The following OLFM3 variants were observed in gnomAD, a reference collection of about 807,000 sequenced individuals.
OLFM3 encodes olfactomedin 3, also known as noelin-3.
OLFM3 carries 20 observed loss-of-function variants against 48.6 expected under a neutral mutation model. That is an observed-to-expected ratio of 0.41 (90% CI 0.29 to 0.60). The LOEUF (loss-of-function observed/expected upper bound fraction) is 0.60. Among genes scored for constraint, OLFM3 ranks in the 20% least tolerant of loss-of-function variants. The probability of loss-of-function intolerance (pLI) is 0.28; values close to 1 mark genes in which losing one functional copy is unlikely to be tolerated. For synonymous variants in OLFM3, 222 were observed against 198.1 expected (o/e 1.12, Z -1.01); for missense variants, 437 against 544.3 (o/e 0.80, Z 1.96).
At chr1:101,952,933 T>C (rs1660186491) in intron 1 of OLFM3, among the ~76,000 whole-genome samples, 2 of 152,166 alleles carry the variant, frequency 1.3e-5, no homozygotes, top group Non-Finnish European at 2.9e-5. Context: ...TAGTCTTCAG[T>C]GGCTATTCAG....
At chr1:101,852,603 G>A (rs1251477156) in intron 1 of OLFM3, among the ~76,000 whole-genome samples, 2 of 151,928 alleles carry the variant, frequency 1.3e-5, no homozygotes, top group Non-Finnish European at 2.9e-5. Flanking sequence ...TTATCTACTT[G>A]ACATCTCCAC....
intron 2 of OLFM3, among the ~76,000 whole-genome samples, chr1:101,832,328 C>T (rs1655200834): frequency 6.6e-6 from 1 of 152,306 alleles, no homozygotes; most frequent in African/African-American, 2.4e-5. Context: ...AGTGGCAATG[C>T]TAAATGGATC....
intron 1 of OLFM3, among the ~76,000 whole-genome samples, chr1:101,865,296 A>G (rs1193019256): frequency 1.3e-5 from 2 of 152,200 alleles, no homozygotes; most frequent in African/African-American, 4.8e-5. Context: ...GATTGTCATG[A>G]GAGAATATAA....
intron 1 of OLFM3, among the ~76,000 whole-genome samples, chr1:101,842,143 C>T (rs920001275): frequency 6.6e-5 from 10 of 152,070 alleles, no homozygotes; most frequent in African/African-American, 1.2e-4. Context: ...GAATAAGAAA[C>T]GCGTATTCTT....
chr1:101,950,690 C>G (rs1461967248), intron 1 of OLFM3, among the ~76,000 whole-genome samples: 1 of 152,018 alleles, frequency 6.6e-6, no homozygotes, highest in African/African-American at 2.4e-5. Flanking sequence ...GTGATCCACC[C>G]GCCTCGGCCT....
intron 1 of OLFM3, among the ~76,000 whole-genome samples, chr1:101,946,644 A>G (rs1019758405): frequency 2.0e-5 from 3 of 152,200 alleles, no homozygotes; most frequent in African/African-American, 7.2e-5. Context: ...CACTGTTTAT[A>G]CTGAATATTT....
At chr1:101,872,563 G>A (rs867596719) in intron 1 of OLFM3, among the ~76,000 whole-genome samples, 1 of 151,972 alleles carries the variant, frequency 6.6e-6, no homozygotes, top group Non-Finnish European at 1.5e-5. Context: ...TAAAAACAGT[G>A]TCTGTAAAAA....
chr1:101,922,090 C>G (rs923228204), intron 1 of OLFM3, among the ~76,000 whole-genome samples: 7 of 151,938 alleles, frequency 4.6e-5, no homozygotes, highest in Non-Finnish European at 1.0e-4. Flanking sequence ...TAAAATTGTA[C>G]CACAAGACAC....
intron 1 of OLFM3, 52 bp from the exon 2 acceptor site, chr1:101,837,077 A>G (rs1355581586): frequency 6.5e-7 from 1 of 1,546,702 alleles, no homozygotes; most frequent in South Asian, 1.2e-5. Context: ...ATAGGATAAA[A>G]AGAGTGTTGG....
chr1:101,959,484 T>C (rs948193786), intron 1 of OLFM3, among the ~76,000 whole-genome samples: 1 of 152,116 alleles, frequency 6.6e-6, no homozygotes, highest in African/African-American at 2.4e-5. Flanking sequence ...ATCAAGCACT[T>C]CTACATGACA....
intron 1 of OLFM3, among the ~76,000 whole-genome samples, chr1:101,890,265 A>G (rs1261343161): frequency 1.3e-5 from 2 of 152,028 alleles, no homozygotes; most frequent in Non-Finnish European, 2.9e-5. Context: ...CTTGGAAAAT[A>G]CTTGGATGTA....
intron 1 of OLFM3, among the ~76,000 whole-genome samples, chr1:101,887,995 T>C (rs1436641383): frequency 2.0e-5 from 3 of 152,136 alleles, no homozygotes; most frequent in Non-Finnish European, 2.9e-5. Context: ...TTTATAATTA[T>C]TGACTTGGAA....
chr1:101,845,141 C>T (rs1049994669), intron 1 of OLFM3, among the ~76,000 whole-genome samples: 1 of 151,772 alleles, frequency 6.6e-6, no homozygotes, highest in Non-Finnish European at 1.5e-5. Flanking sequence ...TGCTTTTGTT[C>T]TTCTTCTTAT....
intron 1 of OLFM3, among the ~76,000 whole-genome samples, chr1:101,925,626 C>A (rs908623165): frequency 6.6e-6 from 1 of 152,066 alleles, no homozygotes; most frequent in Non-Finnish European, 1.5e-5. Context: ...TCAAGAAATT[C>A]TCCTGCTTCA....
intron 1 of OLFM3, among the ~76,000 whole-genome samples, chr1:101,873,602 A>T (rs1004048339): frequency 6.6e-6 from 1 of 151,798 alleles, no homozygotes; most frequent in Non-Finnish European, 1.5e-5. Flanking sequence ...GGTTATGAGT[A>T]CTATGTGGTA....
chr1:101,925,086 G>A (rs1050068560), intron 1 of OLFM3, among the ~76,000 whole-genome samples: 2 of 152,074 alleles, frequency 1.3e-5, no homozygotes, highest in Non-Finnish European at 2.9e-5. Flanking sequence ...ATAAGGAGGA[G>A]GAAGAGACAG....
chr1:101,819,070 G>A (rs567995033), intron 4 of OLFM3, among the ~76,000 whole-genome samples: 1 of 152,246 alleles, frequency 6.6e-6, no homozygotes, highest in Admixed American at 6.5e-5. Context: ...TGTACTAAGT[G>A]TCATGGGAGA....
intron 1 of OLFM3, among the ~76,000 whole-genome samples, chr1:101,908,357 C>G (rs1658623508): frequency 6.6e-6 from 1 of 152,138 alleles, no homozygotes; most frequent in African/African-American, 2.4e-5. Context: ...GAGGAACAGT[C>G]CAAACCAAAT....
intron 4 of OLFM3, among the ~76,000 whole-genome samples, chr1:101,809,934 C>A (rs1653967323): frequency 6.6e-6 from 1 of 151,868 alleles, no homozygotes; most frequent in African/African-American, 2.4e-5. Context: ...GTAGAATCAG[C>A]CCATAAACTA....
Sources: gnomAD v4.1 joint callset for allele counts (sites outside exome capture counted in the v4.1 genomes callset) on GRCh38, gnomAD v4.1.1 for gene constraint, MANE v1.5 for transcripts, NCBI Gene and HGNC (gene_info 2026-07-23, HGNC 2026-07-21) for gene names.